The following ABHD17B variants were observed in gnomAD, a reference collection of about 807,000 sequenced individuals.
ABHD17B encodes alpha/beta hydrolase domain-containing protein 17B.
A neutral mutation model predicts 26.2 loss-of-function variants in ABHD17B; 9 were observed. That is an observed-to-expected ratio of 0.34 (90% confidence interval 0.21 to 0.60). The LOEUF (loss-of-function observed/expected upper bound fraction) is 0.60. Ranked by LOEUF, ABHD17B falls within the 20% of genes least tolerant of loss-of-function variation. ABHD17B has a pLI of 0.80. For missense variants in ABHD17B, 224 were observed against 352.1 expected (o/e 0.64, Z 2.91); for synonymous variants, 127 against 122.3 (o/e 1.04, Z -0.25).
intron 2 of ABHD17B, 108 bp downstream of exon 2, chr9:71,874,506 T>C: frequency 1.3e-6 from 1 of 785,690 alleles, no homozygotes; most frequent in Non-Finnish European, 2.0e-6. Flanking sequence ...AAATATAACC[T>C]CTATATAGCA....
chr9:71,899,365 C>T (rs1202070908), intron 1 of ABHD17B, among the ~76,000 whole-genome samples: 1 of 152,012 alleles, frequency 6.6e-6, no homozygotes, highest in African/African-American at 2.4e-5. Flanking sequence ...ATAGGCTGAG[C>T]CTGTAGTTTT....
intron 3 of ABHD17B, among the ~76,000 whole-genome samples, chr9:71,868,837 C>A (rs1826031543): frequency 6.6e-6 from 1 of 152,102 alleles, no homozygotes; most frequent in Non-Finnish European, 1.5e-5. Flanking sequence ...TACAGGCACG[C>A]ATCACCATGC....
chr9:71,868,435 T>G (rs1305077675), intron 3 of ABHD17B, among the ~76,000 whole-genome samples: 1 of 152,180 alleles, frequency 6.6e-6, no homozygotes, highest in Non-Finnish European at 1.5e-5. Flanking sequence ...CAAACACTTT[T>G]TTAAAAGGCA....
At chr9:71,892,178 A>G (rs896265882) in intron 1 of ABHD17B, among the ~76,000 whole-genome samples, 3 of 152,196 alleles carry the variant, frequency 2.0e-5, no homozygotes, top group African/African-American at 4.8e-5. Flanking sequence ...GTATATAAAA[A>G]GAATGAAGAA....
intron 1 of ABHD17B, among the ~76,000 whole-genome samples, chr9:71,891,142 T>C (rs181927704): frequency 6.6e-6 from 1 of 152,336 alleles, no homozygotes; most frequent in East Asian, 1.9e-4. Context: ...TTTCTTAAAA[T>C]TCTCCTCGAA....
At chr9:71,899,542 G>A (rs1053174561) in intron 1 of ABHD17B, among the ~76,000 whole-genome samples, 8 of 152,188 alleles carry the variant, frequency 5.3e-5, no homozygotes, top group Admixed American at 3.3e-4. Flanking sequence ...CACGGACCCT[G>A]TTATTAGATG....
Position 71,886,692 on chromosome 9 carries a change from C to T in ABHD17B, c.-3-11609G>A, listed in dbSNP as rs117738016. On this transcript the variant is annotated intron_variant, in intron 1 of 3. Coordinates refer to ENST00000333421, the MANE Select transcript of ABHD17B (RefSeq NM_001025780.3). ...GTGCCACCATGTCTGGCTAATTATT[C>T]GTACTTTTTGTAGAGACAGGGTTTC... 2.6e-3 allele frequency among the ~76,000 whole-genome samples: 391 copies of T among 151,964 alleles called. 2 individuals carry two copies. Among genetic ancestry groups the T allele is most frequent in the Admixed American group, 5.8e-3 (88 of 15,262 alleles).
At chr9:71,882,868 G>A (rs779754855) in intron 1 of ABHD17B, among the ~76,000 whole-genome samples, 32 of 151,894 alleles carry the variant, frequency 2.1e-4, no homozygotes, top group Non-Finnish European at 2.9e-4. Flanking sequence ...AAACATTGCC[G>A]GGCGCAGTGG....
At chr9:71,869,965 T>C in intron 3 of ABHD17B, 118 bp downstream of exon 3, 1 of 907,042 alleles carries the variant, frequency 1.1e-6, no homozygotes, top group African/African-American at 1.7e-5. Flanking sequence ...ATAATTTCTA[T>C]GTGCTAATAT....
intron 1 of ABHD17B, among the ~76,000 whole-genome samples, chr9:71,899,439 A>G (rs758556891): frequency 3.3e-5 from 5 of 152,228 alleles, no homozygotes; most frequent in Admixed American, 6.5e-5. Context: ...TAAGGAAGAA[A>G]GCAGGCATTT....
intron 1 of ABHD17B, among the ~76,000 whole-genome samples, chr9:71,880,000 C>T (rs948008645): frequency 6.6e-6 from 1 of 151,988 alleles, no homozygotes; most frequent in East Asian, 1.9e-4. Context: ...GCAAAATAAA[C>T]GAAATAATGT....
In ABHD17B at chr9:71,866,430, A is replaced by G. The variant is rs1337279334; in HGVS notation, c.*357T>C. The G allele has an allele frequency of 1.0e-6, 1 of 994,102 alleles. No individual in the cohort carries two copies. The highest frequency in any genetic ancestry group is 1.7e-5 in the African/African-American group (1 of 57,350). 61.6% of individuals were successfully genotyped at this position (994,102 alleles called of 1,614,324 possible). A position where few individuals can be genotyped will look rare whatever the true frequency, so the allele number is the denominator to read the frequency against. On this transcript the variant is annotated 3_prime_UTR_variant, in exon 4 of 4. Transcript: ENST00000333421. ...GTTGTATTCCAGGATAAGATTTAAT[A>G]TATTGAGATGTTTTAAAAATATTTA...
At chr9:71,890,433 A>T in intron 1 of ABHD17B, among the ~76,000 whole-genome samples, 1 of 152,168 alleles carries the variant, frequency 6.6e-6, no homozygotes. Context: ...CAACTTTAGG[A>T]AGTTTCTTCT....
Position 71,870,064 on chromosome 9 carries a change from T to G in ABHD17B, c.647+19A>C. ...CCCAAGTTTCTTGGAATTTAACTATTTTGAATATTGCTACTTACTTTGGGA... is the reference window on the plus strand; with the variant it reads ...CCCAAGTTTCTTGGAATTTAACTATGTTGAATATTGCTACTTACTTTGGGA... On this transcript the variant is annotated intron_variant, in intron 3 of 3. Coordinates refer to ENST00000333421, the MANE Select transcript of ABHD17B (RefSeq NM_001025780.3). 1 of 1,587,588 alleles carries G rather than the reference T, an allele frequency of 6.3e-7. No individual in the cohort carries two copies. Among genetic ancestry groups the G allele is most frequent in the East Asian group, 2.2e-5 (1 of 44,704 alleles).
At chr9:71,867,097 T>C (rs1825980486) in intron 3 of ABHD17B, 91 bp from the exon 4 acceptor site, 7 of 1,433,606 alleles carry the variant, frequency 4.9e-6, no homozygotes, top group Middle Eastern at 4.1e-4. Flanking sequence ...AATTCAAATA[T>C]GAGAATTGTA....
intron 1 of ABHD17B, among the ~76,000 whole-genome samples, chr9:71,903,613 A>G (rs1031880623): frequency 1.3e-5 from 2 of 152,240 alleles, no homozygotes; most frequent in Non-Finnish European, 2.9e-5. Context: ...AAGACATTCT[A>G]TAAGTACAAA....
intron 2 of ABHD17B, among the ~76,000 whole-genome samples, chr9:71,870,831 T>C (rs563860146): frequency 6.6e-6 from 1 of 152,326 alleles, no homozygotes; most frequent in East Asian, 1.9e-4. Context: ...GTTGTAGAAA[T>C]GGACTAATGG....
At chr9:71,892,922 C>T (rs555456261) in intron 1 of ABHD17B, among the ~76,000 whole-genome samples, 2 of 152,246 alleles carry the variant, frequency 1.3e-5, no homozygotes. Flanking sequence ...ACTCTATACC[C>T]ACTAAACAAT....
At chr9:71,894,121 A>AG (rs1564071056) in intron 1 of ABHD17B, among the ~76,000 whole-genome samples, 23 of 128,636 alleles carry the variant, frequency 1.8e-4, no homozygotes, top group African/African-American at 6.2e-4. Context: ...AAAAAAAAAA[A>AG]GGATACTTCA....
Sources: allele counts gnomAD v4.1 joint callset (sites outside exome capture counted in the v4.1 genomes callset), GRCh38; gene constraint gnomAD v4.1.1; transcripts MANE v1.5; gene names NCBI Gene and HGNC (gene_info 2026-07-23, HGNC 2026-07-21).